ATRN: variants seen among roughly 807,000 people sequenced by gnomAD.
ATRN encodes attractin-2.
A neutral mutation model predicts 178.7 loss-of-function variants in ATRN; 54 were observed. The observed-to-expected ratio is 0.30, with a 90% CI of 0.24 to 0.38. The LOEUF is 0.38. ATRN is among the 10% of genes least tolerant of loss of function. ATRN has a pLI of 1.00. For missense variants in ATRN, 1,443 were observed against 1,815.1 expected (o/e 0.79, Z 3.73); for synonymous variants, 636 against 663.0 (o/e 0.96, Z 0.63).
intron 19 of ATRN, among the ~76,000 whole-genome samples, chr20:3,593,948 G>A (rs1380399185): frequency 6.6e-6 from 1 of 152,164 alleles, no homozygotes; most frequent in Non-Finnish European, 1.5e-5. Flanking sequence ...AAGCAAGGGT[G>A]GCATGTCCTG....
intron 15 of ATRN, among the ~76,000 whole-genome samples, chr20:3,579,386 C>T (rs888210441): frequency 6.6e-6 from 1 of 151,888 alleles, no homozygotes; most frequent in African/African-American, 2.4e-5. Context: ...CTCAGGAGGC[C>T]GAGGCAGGAG....
In ATRN at chr20:3,648,948, A is replaced by G. The variant is rs1354143529; in HGVS notation, c.*2101A>G. The G allele has an allele frequency of 2.0e-5, 3 of 152,244 alleles. No individual in the cohort carries two copies. Among genetic ancestry groups the G allele is most frequent in the Admixed American group, 1.3e-4 (2 of 15,286 alleles). The allele number at this position is 152,244 out of a possible 1,614,324, so 9.4% of individuals were successfully genotyped here. A position where few individuals can be genotyped will look rare whatever the true frequency, so the allele number is the denominator to read the frequency against. On this transcript the variant is annotated 3_prime_UTR_variant, in exon 29 of 29. Coordinates refer to ENST00000262919, the MANE Select transcript of ATRN (RefSeq NM_139321.3). The stretch of plus-strand genomic sequence containing the variant: ...CCTAGGCCAAAGAAGTCTCTTCCCC[A>G]TGTTAGTCCTATGCCTTGAAATATC...
At chr20:3,490,421 C>T in intron 1 of ATRN, 1 of 926,488 alleles carries the variant, frequency 1.1e-6, no homozygotes, top group Non-Finnish European at 1.8e-6. Context: ...AGAGGCTTTA[C>T]TCTATCTGTG....
intron 24 of ATRN, among the ~76,000 whole-genome samples, chr20:3,604,613 A>G (rs1340196552): frequency 6.6e-6 from 1 of 152,258 alleles, no homozygotes; most frequent in East Asian, 1.9e-4. Context: ...TGTAAGTGAA[A>G]CAAACCCACA....
chr20:3,576,369 A>G (rs947914934), intron 13 of ATRN, among the ~76,000 whole-genome samples: 1 of 152,208 alleles, frequency 6.6e-6, no homozygotes, highest in Non-Finnish European at 1.5e-5. Context: ...GTTTGGCATA[A>G]TCTCACTGCT....
At chr20:3,529,924 A>C (rs2085427403) in intron 1 of ATRN, among the ~76,000 whole-genome samples, 1 of 152,168 alleles carries the variant, frequency 6.6e-6, no homozygotes, top group Admixed American at 6.5e-5. Flanking sequence ...AAGAAACAAA[A>C]CCTAACCAAG....
intron 19 of ATRN, chr20:3,592,610 C>T: frequency 2.1e-6 from 1 of 487,100 alleles, no homozygotes; most frequent in Non-Finnish European, 2.6e-6. Context: ...GAAAAGTAAA[C>T]AACATAGGGA....
At chr20:3,539,864 A>C (rs2085593930) in intron 2 of ATRN, among the ~76,000 whole-genome samples, 1 of 152,122 alleles carries the variant, frequency 6.6e-6, no homozygotes, top group Admixed American at 6.6e-5. Flanking sequence ...GGGCTGGCAA[A>C]TTTAGAGGAT....
At chr20:3,642,768 A>T (rs1358108140) in intron 27 of ATRN, among the ~76,000 whole-genome samples, 1 of 152,182 alleles carries the variant, frequency 6.6e-6, no homozygotes, top group Non-Finnish European at 1.5e-5. Flanking sequence ...CAAGATTTCC[A>T]TCCCACGTTT....
At chr20:3,611,910 T>C (rs2146301664) in intron 24 of ATRN, among the ~76,000 whole-genome samples, 2 of 152,306 alleles carry the variant, frequency 1.3e-5, no homozygotes, top group Admixed American at 1.3e-4. Context: ...TATAAGATGG[T>C]ACAGTCACTC....
intron 1 of ATRN, among the ~76,000 whole-genome samples, chr20:3,522,550 A>G (rs1384703782): frequency 2.0e-5 from 3 of 152,164 alleles, no homozygotes; most frequent in African/African-American, 4.8e-5. Flanking sequence ...CTCCCAGCAC[A>G]CCACTCGAGC....
chr20:3,635,006 G>C (rs1013196609), intron 26 of ATRN, among the ~76,000 whole-genome samples: 27 of 152,094 alleles, frequency 1.8e-4, no homozygotes, highest in African/African-American at 5.8e-4. Context: ...TAAAGAAAAT[G>C]TGGGGTGTGT....
chr20:3,482,235 G>A (rs888780088), intron 1 of ATRN, among the ~76,000 whole-genome samples: 1 of 151,246 alleles, frequency 6.6e-6, no homozygotes, highest in Non-Finnish European at 1.5e-5. Context: ...ATTGTTTCAT[G>A]TACTTTAATT....
chr20:3,601,824 A>G (rs13353377), intron 23 of ATRN, among the ~76,000 whole-genome samples: 6,743 of 149,554 alleles, frequency 0.045, 468 homozygotes, highest in African/African-American at 0.15. Context: ...TGATCGCACC[A>G]TTGTACTCCA....
chr20:3,485,550 G>T (rs2084678177), intron 1 of ATRN, among the ~76,000 whole-genome samples: 1 of 148,276 alleles, frequency 6.7e-6, no homozygotes, highest in African/African-American at 2.5e-5. Flanking sequence ...ACCCATTTTG[G>T]CCATGATATG....
rs934779504 is a variant in ATRN at position 3,629,090 on chromosome 20, A to G, written c.3863+4518A>G. On this transcript the variant is annotated intron_variant, in intron 25 of 28. Transcript: ENST00000262919. ...GCTTTCACTCAGCAGGCACTCCCTT[A>G]CCAGGCCCCAGAGCTGTGGCCGTCA... 3 of 984,748 alleles carry G rather than the reference A, an allele frequency of 3.0e-6. No homozygotes were observed. The African/African-American group carries it at 5.3e-5, about 17-fold the overall frequency. The allele number at this position is 984,748 out of a possible 1,614,324, so 61.0% of individuals were successfully genotyped here.
In ATRN at chr20:3,563,220, A is replaced by T; in HGVS notation, c.1643A>T (p.Lys548Met). 1 of 1,612,844 alleles carries T rather than the reference A, an allele frequency of 6.2e-7. No individual in the cohort carries two copies. Residue 548 changes from lysine (K) to methionine (M), a missense_variant, in exon 10 of 29, where the codon AAG becomes ATG. Physicochemically the swap from Lys to Met is moderately conservative, Grantham distance 95 (BLOSUM62 -1). Coordinates refer to ENST00000262919, the MANE Select transcript of ATRN (RefSeq NM_139321.3). ...AATAAACTCAAAAGGACCATTCTTA[A>T]GGACAGCCGATTTTTCCGTTACTTG... ...DVDTQMWTILKDSRFFRYLHT... is the reference protein window; with the variant it reads ...DVDTQMWTILMDSRFFRYLHT...
chr20:3,602,272 G>C (rs1318144546), intron 23 of ATRN, among the ~76,000 whole-genome samples: 1 of 151,876 alleles, frequency 6.6e-6, no homozygotes, highest in Non-Finnish European at 1.5e-5. Flanking sequence ...AGAGGTTGCT[G>C]TGAGCCGAGA....
intron 6 of ATRN, among the ~76,000 whole-genome samples, chr20:3,555,822 C>T (rs1012398014): frequency 6.6e-6 from 1 of 152,118 alleles, no homozygotes; most frequent in African/African-American, 2.4e-5. Context: ...GAAGTGGCAT[C>T]GTAGCTAGTG....
Sources: gnomAD v4.1 joint callset for allele counts (sites outside exome capture counted in the v4.1 genomes callset) on GRCh38, gnomAD v4.1.1 for gene constraint, MANE v1.5 for transcripts, NCBI Gene and HGNC (gene_info 2026-07-23, HGNC 2026-07-21) for gene names.